SEPTIN9: variants seen among roughly 807,000 people sequenced by gnomAD.
SEPTIN9 encodes the protein septin-9.
Under a neutral mutation model 56.6 loss-of-function variants are expected in SEPTIN9, and 13 were observed. The ratio of observed to expected loss-of-function variants is 0.23; its 90% CI spans 0.15 to 0.37. The LOEUF (loss-of-function observed/expected upper bound fraction) is 0.37, where lower values mean the gene tolerates loss of function less well. Ranked by LOEUF, SEPTIN9 falls within the 10% of genes least tolerant of loss-of-function variation. SEPTIN9 has a pLI of 1.00. For synonymous variants in SEPTIN9, 332 were observed against 334.1 expected (o/e 0.99, Z 0.07); for missense variants, 650 against 823.1 (o/e 0.79, Z 2.57).
chr17:77,380,509 T>C (rs2035105087), intron 2 of SEPTIN9, among the ~76,000 whole-genome samples: 1 of 151,928 alleles, frequency 6.6e-6, no homozygotes, highest in South Asian at 2.1e-4. Context: ...ATCCAGAAAA[T>C]CAAGGGGCCT....
intron 1 of SEPTIN9, among the ~76,000 whole-genome samples, chr17:77,285,119 C>T (rs1205611955): frequency 6.6e-6 from 1 of 152,162 alleles, no homozygotes; most frequent in Admixed American, 6.6e-5. Context: ...CATGATCTTC[C>T]CTTACTGTGG....
intron 4 of SEPTIN9, 62 bp downstream of exon 4, chr17:77,482,397 G>T: frequency 6.5e-7 from 1 of 1,549,284 alleles, no homozygotes; most frequent in Non-Finnish European, 8.8e-7. Flanking sequence ...CCCCCAGGGC[G>T]GCCCACAAGC....
intron 3 of SEPTIN9, among the ~76,000 whole-genome samples, chr17:77,473,537 A>C (rs1307283526): frequency 6.6e-6 from 1 of 151,976 alleles, no homozygotes; most frequent in African/African-American, 2.4e-5. Flanking sequence ...GGGCCTAGGG[A>C]TTCTTTGATG....
chr17:77,475,508 G>A lies in SEPTIN9; in HGVS notation c.722-6636G>A, dbSNP rs747631454. On this transcript the variant is annotated intron_variant, in intron 3 of 11. Coordinates refer to ENST00000427177, the MANE Select transcript of SEPTIN9 (RefSeq NM_001113491.2). The surrounding 1 kb of genome is among the most constrained non-coding windows in gnomAD (Gnocchi z 4.6). ...GAGCATCTGTTAGTTTATAGGACCT[G>A]AAGTGCCCCCATGGGCTCAAGTTTC... The A allele has an allele frequency of 1.2e-6, 2 of 1,609,498 alleles. No individual in the cohort carries two copies. The highest frequency in any genetic ancestry group is 8.5e-7 in the Non-Finnish European group (1 of 1,178,644).
At chr17:77,485,814 A>C (rs1308062638) in intron 4 of SEPTIN9, among the ~76,000 whole-genome samples, 1 of 152,080 alleles carries the variant, frequency 6.6e-6, no homozygotes, top group African/African-American at 2.4e-5. Flanking sequence ...TATCAAAGTC[A>C]GAACATCAGT....
rs1419877184 is a variant in SEPTIN9, at chr17:77,310,001, T to TA, written c.76+2805dup. On this transcript the variant is annotated intron_variant, in intron 2 of 11. Transcript: ENST00000427177. This position sits in a 1 kb window ranked among gnomAD's most constrained non-coding sequence, Gnocchi z 4.7. ...GGTCTCCTTTTTTTTTTTTTTGAGA[T>TA]AGAGTCTCGCTCTATCGCCCAGGCT... Among the ~76,000 whole-genome samples the TA allele has an allele frequency of 2.9e-4, 44 of 151,118 alleles. 1 individual carries two copies. Among genetic ancestry groups the TA allele is most frequent in the Non-Finnish European group, 6.2e-4 (42 of 67,734 alleles).
intron 2 of SEPTIN9, among the ~76,000 whole-genome samples, chr17:77,372,661 C>T (rs1410434298): frequency 1.3e-5 from 2 of 152,240 alleles, no homozygotes; most frequent in African/African-American, 4.8e-5. Context: ...CCCTGTGCCC[C>T]TTCTCCCGGA....
At chr17:77,294,442 C>T (rs1462945385) in intron 1 of SEPTIN9, 2 of 157,160 alleles carry the variant, frequency 1.3e-5, no homozygotes, top group African/African-American at 2.4e-5. Context: ...ATAAATAAAG[C>T]GAATGAATCT....
chr17:77,288,436 C>A (rs1472312085), intron 1 of SEPTIN9, among the ~76,000 whole-genome samples: 3 of 152,212 alleles, frequency 2.0e-5, no homozygotes, highest in South Asian at 4.1e-4. Flanking sequence ...GCATTGCCTG[C>A]CAGGTTTGAG....
At chr17:77,466,860 T>C (rs1257636578) in intron 3 of SEPTIN9, among the ~76,000 whole-genome samples, 2 of 152,164 alleles carry the variant, frequency 1.3e-5, no homozygotes, top group African/African-American at 2.4e-5. Flanking sequence ...GTCTGTAAAC[T>C]GTAGAGTGCA....
chr17:77,405,023 C>T lies in SEPTIN9; in HGVS notation c.721+2320C>T, dbSNP rs1045145272. ...CACCCCCATCCTGGGTTGATGTGTT[C>T]ACACTCAGCTGAGTCAAACAGGATG... is the stretch of plus-strand genomic sequence containing the variant. On this transcript the variant is annotated intron_variant, in intron 3 of 11. Transcript: ENST00000427177. This position sits in a 1 kb window ranked among gnomAD's most constrained non-coding sequence, Gnocchi z 5.8. 5 of 1,486,320 alleles carry T rather than the reference C, an allele frequency of 3.4e-6. No homozygotes were observed. In the African/African-American group the frequency reaches 7.0e-5, roughly 21 times the overall value. 92.1% of individuals were successfully genotyped at this position (1,486,320 alleles called of 1,614,324 possible). A position where few individuals can be genotyped will look rare whatever the true frequency, so the allele number is the denominator to read the frequency against.
Position 77,429,134 on chromosome 17 carries a change from G to A in SEPTIN9, c.721+26431G>A. 2 of 471,718 alleles carry A rather than the reference G, an allele frequency of 4.2e-6. No homozygotes were observed. Among genetic ancestry groups the A allele is most frequent in the Non-Finnish European group, 8.8e-6 (2 of 227,214 alleles). 29.2% of individuals were successfully genotyped at this position (471,718 alleles called of 1,614,324 possible). ...GTGTGTGTGAGGCCAAGCTCCTGGG[G>A]TGGGGACTTGGGGGTGTGTCTGCAG... On this transcript the variant is annotated intron_variant, in intron 3 of 11. Coordinates refer to ENST00000427177, the MANE Select transcript of SEPTIN9 (RefSeq NM_001113491.2). This position sits in a 1 kb window ranked among gnomAD's most constrained non-coding sequence, Gnocchi z 5.2.
At position 77,437,229 on chromosome 17, in the gene SEPTIN9, A is replaced by G. The variant is rs2037375267; in HGVS notation, c.721+34526A>G. ...AGGGAAAGAAGAATGCCCTATGCAG[A>G]AGTGGTTGGAAAGCAAGAAGCCTGG... is the stretch of plus-strand genomic sequence containing the variant. On this transcript the variant is annotated intron_variant, in intron 3 of 11. Coordinates refer to ENST00000427177, the MANE Select transcript of SEPTIN9 (RefSeq NM_001113491.2). The surrounding 1 kb of genome is among the most constrained non-coding windows in gnomAD (Gnocchi z 5.3). Among the ~76,000 whole-genome samples, 1 of 152,140 alleles carries G rather than the reference A, an allele frequency of 6.6e-6. No homozygotes were observed. The highest frequency in any genetic ancestry group is 2.1e-4 in the South Asian group (1 of 4,824).
At chr17:77,442,729 C>T (rs192441274) in intron 3 of SEPTIN9, among the ~76,000 whole-genome samples, 52 of 151,744 alleles carry the variant, frequency 3.4e-4, no homozygotes, top group African/African-American at 1.1e-3. Context: ...AAAAATTAGC[C>T]GGGTATGGTG....
chr17:77,354,781 C>T (rs1036518358), intron 2 of SEPTIN9, among the ~76,000 whole-genome samples: 12 of 152,068 alleles, frequency 7.9e-5, no homozygotes, highest in Non-Finnish European at 1.0e-4. Flanking sequence ...CAGTGGAGGG[C>T]GGTGCAATCG....
chr17:77,376,249 C>T, intron 2 of SEPTIN9: 1 of 986,136 alleles, frequency 1.0e-6, no homozygotes, highest in Non-Finnish European at 1.2e-6. Context: ...ATCATATGGG[C>T]CAGGCTGCGG....
chr17:77,320,685 C>T (rs147503766), intron 2 of SEPTIN9, among the ~76,000 whole-genome samples: 1 of 152,174 alleles, frequency 6.6e-6, no homozygotes, highest in Non-Finnish European at 1.5e-5. Flanking sequence ...CCCCCTGGCT[C>T]GGGTCTGGGG....
At chr17:77,362,788 G>T (rs1256811699) in intron 2 of SEPTIN9, among the ~76,000 whole-genome samples, 1 of 152,230 alleles carries the variant, frequency 6.6e-6, no homozygotes, top group Non-Finnish European at 1.5e-5. Context: ...GGCTGTTCCT[G>T]AGGCTGTGAA....
chr17:77,395,878 T>C (rs2035696220), intron 2 of SEPTIN9, among the ~76,000 whole-genome samples: 1 of 152,214 alleles, frequency 6.6e-6, no homozygotes, highest in East Asian at 1.9e-4. Context: ...TGTTTCCAGG[T>C]TTTGTCAGTT....
Sources: gnomAD v4.1 joint callset for allele counts (sites outside exome capture counted in the v4.1 genomes callset) on GRCh38, gnomAD v4.1.1 for gene constraint, Gnocchi (gnomAD v3.1) non-coding constraint, MANE v1.5 for transcripts, NCBI Gene and HGNC (gene_info 2026-07-23, HGNC 2026-07-21) for gene names.